AFG2A: variants seen among roughly 807,000 people sequenced by gnomAD.
The protein encoded by AFG2A is ATPase family gene 2 protein homolog A.
the AFG2A span, among the ~76,000 whole-genome samples, chr4:123,138,925 C>T: frequency 6.6e-6 from 1 of 151,788 alleles, no homozygotes; most frequent in East Asian, 1.9e-4. Context: ...ATATGTATAT[C>T]AAAGAACTAG....
chr4:123,165,865 G>A, the AFG2A span, among the ~76,000 whole-genome samples: 3 of 152,094 alleles, frequency 2.0e-5, no homozygotes, highest in African/African-American at 7.2e-5. Context: ...ACATTGGGGG[G>A]AAAATCAAAT....
At chr4:123,261,622 G>C in the AFG2A span, among the ~76,000 whole-genome samples, 5 of 152,086 alleles carry the variant, frequency 3.3e-5, no homozygotes, top group Admixed American at 3.3e-4. Context: ...ATTGCCCTTG[G>C]ATACCAAGGG....
the AFG2A span, among the ~76,000 whole-genome samples, chr4:123,147,490 C>T: frequency 6.6e-6 from 1 of 152,058 alleles, no homozygotes; most frequent in Non-Finnish European, 1.5e-5. Context: ...CTTATTTTCT[C>T]AGTAGTTACA....
the AFG2A span, among the ~76,000 whole-genome samples, chr4:123,262,505 A>G: frequency 1.3e-5 from 2 of 152,236 alleles, no homozygotes; most frequent in African/African-American, 4.8e-5. Context: ...TGTCAACACA[A>G]CGTTCTTTGA....
the AFG2A span, among the ~76,000 whole-genome samples, chr4:123,286,647 G>A: frequency 2.6e-5 from 4 of 151,972 alleles, no homozygotes; most frequent in Admixed American, 2.0e-4. Flanking sequence ...CAGATTTTCT[G>A]CTTCTGGGAA....
the AFG2A span, chr4:123,317,408 G>T: frequency 6.6e-6 from 1 of 152,158 alleles, no homozygotes; most frequent in African/African-American, 2.4e-5. Context: ...CTAGTTACAG[G>T]AATGTAGCTT....
At chr4:122,997,174 C>T in the AFG2A span, among the ~76,000 whole-genome samples, 1 of 152,184 alleles carries the variant, frequency 6.6e-6, no homozygotes, top group Non-Finnish European at 1.5e-5. Context: ...ATGTAATTCA[C>T]ATACCAAACA....
the AFG2A span, among the ~76,000 whole-genome samples, chr4:123,211,472 A>G: frequency 2.0e-5 from 3 of 152,142 alleles, no homozygotes; most frequent in Middle Eastern, 3.2e-3. Flanking sequence ...CAATCCTTGG[A>G]TATATACCAC....
At chr4:123,022,755 A>G in the AFG2A span, among the ~76,000 whole-genome samples, 1 of 152,034 alleles carries the variant, frequency 6.6e-6, no homozygotes, top group Admixed American at 6.5e-5. Context: ...TTGTGGCACT[A>G]TTCACAATAG....
the AFG2A span, among the ~76,000 whole-genome samples, chr4:123,048,729 GA>G: frequency 6.6e-6 from 1 of 152,008 alleles, no homozygotes; most frequent in East Asian, 1.9e-4. Flanking sequence ...GTGTATCTGG[GA>G]ATTTACTGAG....
the AFG2A span, among the ~76,000 whole-genome samples, chr4:123,171,504 C>T: frequency 6.6e-6 from 1 of 151,944 alleles, no homozygotes; most frequent in Non-Finnish European, 1.5e-5. Flanking sequence ...AAAGTTCTTC[C>T]TATTTCTAAA....
chr4:123,235,480 GTAC>G, the AFG2A span, among the ~76,000 whole-genome samples: 1 of 152,132 alleles, frequency 6.6e-6, no homozygotes, highest in African/African-American at 2.4e-5. Flanking sequence ...TGTCTGCCCT[GTAC>G]TAGATGGAGA....
At chr4:122,954,112 G>A in the AFG2A span, among the ~76,000 whole-genome samples, 13 of 152,286 alleles carry the variant, frequency 8.5e-5, no homozygotes, top group Middle Eastern at 3.4e-3. Flanking sequence ...ATCTGGCCAC[G>A]CTTCATTGCA....
the AFG2A span, chr4:123,256,236 A>G: frequency 1.3e-6 from 2 of 1,579,570 alleles, no homozygotes; most frequent in South Asian, 1.1e-5. Context: ...GCTCAGGGTC[A>G]TTAAGCAAAA....
At chr4:123,107,905 C>G in the AFG2A span, among the ~76,000 whole-genome samples, 2 of 152,228 alleles carry the variant, frequency 1.3e-5, no homozygotes, top group East Asian at 3.8e-4. Flanking sequence ...GCCTGCGCCA[C>G]AATCGGAGTG....
chr4:123,298,905 A>T, the AFG2A span, among the ~76,000 whole-genome samples: 3 of 152,112 alleles, frequency 2.0e-5, no homozygotes, highest in African/African-American at 4.8e-5. Context: ...ATTTTGTTTC[A>T]GCATGTAAAA....
chr4:123,031,754 C>G, the AFG2A span, among the ~76,000 whole-genome samples: 1 of 152,240 alleles, frequency 6.6e-6, no homozygotes, highest in African/African-American at 2.4e-5. Flanking sequence ...GATAGACTTA[C>G]ACTTCTTCCT....
At chr4:123,311,539 A>T in the AFG2A span, among the ~76,000 whole-genome samples, 1 of 149,390 alleles carries the variant, frequency 6.7e-6, no homozygotes, top group Non-Finnish European at 1.5e-5. Context: ...AGGCAGAAGA[A>T]TCGCTTGAAC....
At chr4:122,973,898 G>A in the AFG2A span, among the ~76,000 whole-genome samples, 2 of 152,146 alleles carry the variant, frequency 1.3e-5, no homozygotes, top group South Asian at 2.1e-4. Context: ...GGCTAGTCTC[G>A]GACTCCTGGA....
Sources: gnomAD v4.1 joint callset for allele counts (sites outside exome capture counted in the v4.1 genomes callset) on GRCh38, gnomAD v4.1.1 for gene constraint, MANE v1.5 for transcripts, NCBI Gene and HGNC (gene_info 2026-07-23, HGNC 2026-07-21) for gene names.